Variants in HS6ST3 observed in about 807,000 individuals in gnomAD.
HS6ST3 encodes heparan sulfate 6-O-sulfotransferase 3.
Under a neutral mutation model 36.7 loss-of-function variants are expected in HS6ST3, and 12 were observed. That is an observed-to-expected ratio of 0.33 (90% CI 0.21 to 0.53). The LOEUF (loss-of-function observed/expected upper bound fraction) is 0.53, where lower values mean the gene tolerates loss of function less well. Ranked by LOEUF, HS6ST3 falls within the 20% of genes least tolerant of loss-of-function variation. HS6ST3 has a pLI of 0.95. For missense variants in HS6ST3, 584 were observed against 640.9 expected, an observed-to-expected ratio of 0.91 and a Z score of 0.96; for synonymous variants, 240 against 257.5, an observed-to-expected ratio of 0.93 and a Z score of 0.65.
chr13:96,113,375 T>G (rs2053879747), intron 1 of HS6ST3, among the ~76,000 whole-genome samples: 1 of 152,076 alleles, frequency 6.6e-6, no homozygotes, highest in South Asian at 2.1e-4. Context: ...ATTAACAGAT[T>G]GACAGAGTAT....
chr13:96,701,645 A>T (rs1029425231), intron 1 of HS6ST3, among the ~76,000 whole-genome samples: 3 of 152,080 alleles, frequency 2.0e-5, no homozygotes, highest in Non-Finnish European at 4.4e-5. Flanking sequence ...AATGAGGGAG[A>T]TGAGAAAGAT....
At chr13:96,445,489 T>C (rs1377465365) in intron 1 of HS6ST3, among the ~76,000 whole-genome samples, 1 of 151,944 alleles carries the variant, frequency 6.6e-6, no homozygotes, top group African/African-American at 2.4e-5. Context: ...GCAATATTTA[T>C]TAAACACTCT....
At chr13:96,717,938 G>T (rs554140870) in intron 1 of HS6ST3, among the ~76,000 whole-genome samples, 2 of 152,140 alleles carry the variant, frequency 1.3e-5, no homozygotes, top group East Asian at 3.9e-4. Flanking sequence ...AGATTTTCGC[G>T]CACTGAGGAC....
At chr13:96,202,184 C>G (rs559626199) in intron 1 of HS6ST3, among the ~76,000 whole-genome samples, 23 of 152,226 alleles carry the variant, frequency 1.5e-4, no homozygotes, top group South Asian at 2.1e-4. Flanking sequence ...GATCTGACAC[C>G]AATGAAACTT....
At chr13:96,552,831 AG>A (rs1214034636) in intron 1 of HS6ST3, among the ~76,000 whole-genome samples, 2 of 152,192 alleles carry the variant, frequency 1.3e-5, no homozygotes, top group Non-Finnish European at 2.9e-5. Flanking sequence ...CAAAGTTCAG[AG>A]GACAGGGGGA....
At chr13:96,804,342 A>G (rs1878149408) in intron 1 of HS6ST3, among the ~76,000 whole-genome samples, 2 of 152,076 alleles carry the variant, frequency 1.3e-5, no homozygotes, top group South Asian at 4.1e-4. Flanking sequence ...GCCATGTGGT[A>G]TAAAGAGGAG....
chr13:96,407,581 C>T (rs1036066089), intron 1 of HS6ST3, among the ~76,000 whole-genome samples: 9 of 152,134 alleles, frequency 5.9e-5, no homozygotes, highest in Admixed American at 2.0e-4. Context: ...ATGTGTCCCT[C>T]AGTGAAGTGC....
At chr13:96,752,756 C>G (rs1465562203) in intron 1 of HS6ST3, among the ~76,000 whole-genome samples, 2 of 151,796 alleles carry the variant, frequency 1.3e-5, no homozygotes, top group African/African-American at 2.4e-5. Context: ...GTCTTCCACT[C>G]TTTATATTTC....
intron 1 of HS6ST3, among the ~76,000 whole-genome samples, chr13:96,251,381 C>T (rs1368038501): frequency 6.6e-6 from 1 of 151,990 alleles, no homozygotes; most frequent in Non-Finnish European, 1.5e-5. Flanking sequence ...ATGTATAATT[C>T]TTAATAGTAA....
chr13:96,498,164 CAG>C (rs1199807012), intron 1 of HS6ST3, among the ~76,000 whole-genome samples: 3 of 152,140 alleles, frequency 2.0e-5, no homozygotes, highest in Non-Finnish European at 2.9e-5. Context: ...TTTGTGACAA[CAG>C]AGTTTGTCTT....
At chr13:96,655,691 A>T (rs2056622296) in intron 1 of HS6ST3, among the ~76,000 whole-genome samples, 1 of 152,134 alleles carries the variant, frequency 6.6e-6, no homozygotes, top group South Asian at 2.1e-4. Context: ...TGGATAAAGA[A>T]TGAAACAAAG....
At position 96,618,683 on chromosome 13, in the gene HS6ST3, A is replaced by G. The variant is rs1191764316; in HGVS notation, c.708-213807A>G. Among the ~76,000 whole-genome samples the G allele has an allele frequency of 3.3e-5, 5 of 152,214 alleles. No individual in the cohort carries two copies. In the East Asian group the frequency reaches 9.6e-4, roughly 29 times the overall value. On this transcript the variant is annotated intron_variant, in intron 1 of 1. Coordinates refer to ENST00000376705, the MANE Select transcript of HS6ST3 (RefSeq NM_153456.4). ...TCTGACGTGGTACAATGCCTAACGC[A>G]TGGAAGAGGACTGACAAGTGTTAGT...
At chr13:96,416,237 A>G (rs1788174367) in intron 1 of HS6ST3, among the ~76,000 whole-genome samples, 1 of 152,226 alleles carries the variant, frequency 6.6e-6, no homozygotes, top group African/African-American at 2.4e-5. Flanking sequence ...CACCTGGCCA[A>G]ACTGCCTCTT....
intron 1 of HS6ST3, among the ~76,000 whole-genome samples, chr13:96,499,921 A>G (rs2055995839): frequency 6.6e-6 from 1 of 152,188 alleles, no homozygotes; most frequent in Admixed American, 6.5e-5. Flanking sequence ...TTTTGAAATT[A>G]CAGCTTTATT....
chr13:96,505,982 C>T (rs754587600), intron 1 of HS6ST3, among the ~76,000 whole-genome samples: 101 of 152,202 alleles, frequency 6.6e-4, no homozygotes, highest in Non-Finnish European at 1.4e-3. Context: ...GTCTCTGAGA[C>T]GCTGCATGAA....
intron 1 of HS6ST3, among the ~76,000 whole-genome samples, chr13:96,600,577 C>T (rs2056417870): frequency 6.6e-6 from 1 of 151,880 alleles, no homozygotes; most frequent in African/African-American, 2.4e-5. Context: ...TTAATTGGGT[C>T]CCTTGAAGAC....
chr13:96,463,823 T>C (rs2055797339), intron 1 of HS6ST3, among the ~76,000 whole-genome samples: 1 of 152,024 alleles, frequency 6.6e-6, no homozygotes, highest in Non-Finnish European at 1.5e-5. Flanking sequence ...TGTGACAAGA[T>C]GTGAAATAAC....
chr13:96,249,372 G>A (rs1594731109), intron 1 of HS6ST3, among the ~76,000 whole-genome samples: 1 of 152,142 alleles, frequency 6.6e-6, no homozygotes, highest in Non-Finnish European at 1.5e-5. Flanking sequence ...AGAAGATAAG[G>A]TGTAAAAAGG....
intron 1 of HS6ST3, among the ~76,000 whole-genome samples, chr13:96,436,591 G>T (rs891706148): frequency 6.6e-6 from 1 of 152,120 alleles, no homozygotes; most frequent in Non-Finnish European, 1.5e-5. Context: ...TTAGAGTAAG[G>T]CCATCAGGGT....
Sources: gnomAD v4.1 joint callset for allele counts (sites outside exome capture counted in the v4.1 genomes callset) on GRCh38, gnomAD v4.1.1 for gene constraint, MANE v1.5 for transcripts, NCBI Gene and HGNC (gene_info 2026-07-23, HGNC 2026-07-21) for gene names.